MRC1: variants seen among roughly 807,000 people sequenced by gnomAD.
The protein encoded by MRC1 is mannose receptor C-type 1, also known as macrophage mannose receptor 1.
Under a neutral mutation model 102.9 loss-of-function variants are expected in MRC1, and 62 were observed. The ratio of observed to expected loss-of-function variants is 0.60; its 90% CI spans 0.49 to 0.74. The LOEUF (loss-of-function observed/expected upper bound fraction) is 0.74, where lower values mean the gene tolerates loss of function less well. Ranked by LOEUF, MRC1 falls within the 30% of genes least tolerant of loss-of-function variation. The probability of loss-of-function intolerance (pLI) is 0.00; values close to 1 mark genes in which losing one functional copy is unlikely to be tolerated. For synonymous variants in MRC1, 457 were observed against 298.4 expected, an observed-to-expected ratio of 1.53 and a Z score of -5.48; for missense variants, 1,237 against 862.8, an observed-to-expected ratio of 1.43 and a Z score of -5.43.
Position 17,885,379 on chromosome 10 carries a change from A to G in MRC1, c.3091A>G (p.Thr1031Ala). 2 of 780,850 alleles carry G rather than the reference A, an allele frequency of 2.6e-6. No homozygotes were observed. The highest frequency in any genetic ancestry group is 4.8e-6 in the Non-Finnish European group (2 of 417,952). The allele number at this position is 780,850 out of a possible 1,614,324, so 48.4% of individuals were successfully genotyped here. The change falls in exon 22 of 30, where the codon ACA (threonine) becomes GCA (alanine). Residue 1031 changes from threonine to alanine, a missense_variant. Thr to Ala is a moderately conservative substitution (Grantham distance 58). Transcript: ENST00000569591. ...LWTDGRGVHYTNWGKGYPGGR... is the reference protein window; with the variant it reads ...LWTDGRGVHYANWGKGYPGGR... ...GACGGATGGACGAGGAGTCCATTAC[A>G]CAAACTGGGGGAAAGGTTACCCTGG...
chr10:17,865,070 C>A (rs908037828), intron 11 of MRC1, among the ~76,000 whole-genome samples: 2 of 152,172 alleles, frequency 1.3e-5, no homozygotes, highest in East Asian at 3.9e-4. Context: ...ATATCACTAG[C>A]ACACAACATT....
intron 23 of MRC1, among the ~76,000 whole-genome samples, chr10:17,897,683 C>A (rs1430364384): frequency 1.3e-5 from 2 of 152,180 alleles, no homozygotes; most frequent in African/African-American, 4.8e-5. Flanking sequence ...AGCAATGACA[C>A]AATCATCTAT....
At chr10:17,879,060 CA>C in intron 18 of MRC1, among the ~76,000 whole-genome samples, 1 of 152,106 alleles carries the variant, frequency 6.6e-6, no homozygotes. Flanking sequence ...AAATTCTATA[CA>C]CTCTGCCTCT....
At position 17,909,444 on chromosome 10, in the gene MRC1, C is replaced by G. The variant is rs1589198741; in HGVS notation, c.4120+97C>G. The G allele has an allele frequency of 7.9e-6, 6 of 756,416 alleles. No homozygotes were observed. The East Asian group carries it at 1.2e-4, about 15-fold the overall frequency. The allele number at this position is 756,416 out of a possible 1,614,324, so 46.9% of individuals were successfully genotyped here. On this transcript the variant is annotated intron_variant, in intron 29 of 29. Coordinates refer to ENST00000569591, the MANE Select transcript of MRC1 (RefSeq NM_002438.4). ...CATAATCCCTTCCAACTCCCCTGCT[C>G]TCTCAGTAGAATTTGCTTAAGCTAA...
At chr10:17,895,104 A>C (rs1833736893) in intron 23 of MRC1, among the ~76,000 whole-genome samples, 1 of 152,118 alleles carries the variant, frequency 6.6e-6, no homozygotes, top group African/African-American at 2.4e-5. Context: ...AGTCCCAGCT[A>C]CCTGGGAGAC....
rs1415052753 is a variant in MRC1, at chr10:17,872,078, G to T, written c.2296G>T (p.Asp766Tyr). 2.6e-6 allele frequency: 2 copies of T among 780,566 alleles called. No individual in the cohort carries two copies. The highest frequency in any genetic ancestry group is 4.8e-6 in the Non-Finnish European group (2 of 417,850). 48.4% of individuals were successfully genotyped at this position (780,566 alleles called of 1,614,324 possible). A position where few individuals can be genotyped will look rare whatever the true frequency, so the allele number is the denominator to read the frequency against. ...AGGTGACCCTACTATGTCTTGGAATGATATTAATTGTGAACACCTTAACAA... is the reference window on the plus strand; with the variant it reads ...AGGTGACCCTACTATGTCTTGGAATTATATTAATTGTGAACACCTTAACAA... ...LKGDPTMSWN[D>Y]INCEHLNNWI... Residue 766 changes from aspartate to tyrosine, a missense_variant, in exon 15 of 30, where the codon GAT becomes TAT. Coordinates refer to ENST00000569591, the MANE Select transcript of MRC1 (RefSeq NM_002438.4).
chr10:17,899,826 C>T (rs949332090), intron 24 of MRC1, among the ~76,000 whole-genome samples: 5 of 151,980 alleles, frequency 3.3e-5, no homozygotes, highest in African/African-American at 4.8e-5. Flanking sequence ...AGGCCAGGCA[C>T]GGTGGCTCAC....
At chr10:17,851,183 G>GAA (rs1838910756) in intron 7 of MRC1, among the ~76,000 whole-genome samples, 1 of 152,088 alleles carries the variant, frequency 6.6e-6, no homozygotes, top group Admixed American at 6.5e-5. Flanking sequence ...AAAAAAACCT[G>GAA]ATATTTTTAT....
intron 4 of MRC1, among the ~76,000 whole-genome samples, chr10:17,838,454 A>G (rs1838702064): frequency 6.6e-6 from 1 of 152,098 alleles, no homozygotes; most frequent in Non-Finnish European, 1.5e-5. Flanking sequence ...ATGAGGATTT[A>G]CAGAACTGAA....
chr10:17,814,854 G>A (rs1187086243), intron 1 of MRC1, among the ~76,000 whole-genome samples: 6 of 151,676 alleles, frequency 4.0e-5, no homozygotes, highest in Non-Finnish European at 5.9e-5. Flanking sequence ...TAGTAGAGAC[G>A]GGATTTGGTC....
chr10:17,809,605 G>T, intron 1 of MRC1, 79 bp downstream of exon 1: 1 of 846,746 alleles, frequency 1.2e-6, no homozygotes, highest in Non-Finnish European at 2.1e-6. Flanking sequence ...ACTGTGAATG[G>T]GTTCCTTTCA....
At chr10:17,852,600 A>G (rs971283916) in intron 7 of MRC1, among the ~76,000 whole-genome samples, 9 of 152,232 alleles carry the variant, frequency 5.9e-5, no homozygotes, top group African/African-American at 1.7e-4. Context: ...TGCAGTTGGC[A>G]TGGTAAATTA....
At position 17,880,393 on chromosome 10, in the gene MRC1, C is replaced by G. The variant is rs899798998; in HGVS notation, c.2720-132C>G. On this transcript the variant is annotated intron_variant, in intron 19 of 29. Coordinates refer to ENST00000569591, the MANE Select transcript of MRC1 (RefSeq NM_002438.4). The stretch of plus-strand genomic sequence containing the variant: ...GATATTGCATGGATACCTCTAGTCA[C>G]ATATAAAAATAAAGTTTGATTATAG... 2.0e-5 allele frequency: 14 copies of G among 709,196 alleles called. No individual in the cohort carries two copies. In the Admixed American group the frequency reaches 2.8e-4, roughly 14 times the overall value. The allele number at this position is 709,196 out of a possible 1,614,324, so 43.9% of individuals were successfully genotyped here.
At chr10:17,896,619 G>A (rs994956417) in intron 23 of MRC1, among the ~76,000 whole-genome samples, 3 of 152,200 alleles carry the variant, frequency 2.0e-5, no homozygotes, top group Non-Finnish European at 4.4e-5. Context: ...AAAAAAGGTA[G>A]CATATAAACT....
chr10:17,896,106 T>C (rs1428829555), intron 23 of MRC1, among the ~76,000 whole-genome samples: 1 of 152,116 alleles, frequency 6.6e-6, no homozygotes, highest in Non-Finnish European at 1.5e-5. Flanking sequence ...AATTTAAAAA[T>C]AGATTAGACA....
chr10:17,910,533 C>T lies in MRC1; in HGVS notation c.*68C>T. On this transcript the variant is annotated 3_prime_UTR_variant, in exon 30 of 30. Transcript: ENST00000569591. ...TAACTGAAATTTAAAATTTTTAGTT[C>T]AATGTGATTGTTTTCTTTAAAATGA... 1 of 779,548 alleles carries T rather than the reference C, an allele frequency of 1.3e-6. No individual in the cohort carries two copies. The highest frequency in any genetic ancestry group is 2.4e-6 in the Non-Finnish European group (1 of 417,476). 48.3% of individuals were successfully genotyped at this position (779,548 alleles called of 1,614,324 possible).
At chr10:17,890,097 TC>T (rs1833652139) in intron 22 of MRC1, among the ~76,000 whole-genome samples, 1 of 152,188 alleles carries the variant, frequency 6.6e-6, no homozygotes, top group Non-Finnish European at 1.5e-5. Context: ...GAGACAGAAT[TC>T]TAGGTTGGTG....
intron 6 of MRC1, among the ~76,000 whole-genome samples, chr10:17,845,774 AG>A (rs1283158013): frequency 6.6e-6 from 1 of 152,232 alleles, no homozygotes; most frequent in Non-Finnish European, 1.5e-5. Context: ...CCGGAATCCA[AG>A]CTAGAAAGTC....
chr10:17,845,820 C>A (rs561370737), intron 6 of MRC1, among the ~76,000 whole-genome samples: 2 of 152,294 alleles, frequency 1.3e-5, no homozygotes, highest in African/African-American at 4.8e-5. Flanking sequence ...TAGGTCCTCA[C>A]GGCTCTATCT....
Sources: allele counts gnomAD v4.1 joint callset (sites outside exome capture counted in the v4.1 genomes callset), GRCh38; gene constraint gnomAD v4.1.1; transcripts MANE v1.5; gene names NCBI Gene and HGNC (gene_info 2026-07-23, HGNC 2026-07-21).